The following AFP variants were observed in gnomAD, a reference collection of about 807,000 sequenced individuals.
The protein encoded by AFP is alpha-fetoprotein.
AFP carries 64 observed loss-of-function variants against 78.9 expected under a neutral mutation model. The observed-to-expected ratio is 0.81, with a 90% CI of 0.66 to 1.00. The LOEUF (loss-of-function observed/expected upper bound fraction) is 1.00. AFP is among the 50% of genes least tolerant of loss of function. AFP has a pLI of 0.00. For synonymous variants in AFP, 254 were observed against 243.8 expected (o/e 1.04, Z -0.39); for missense variants, 689 against 703.8 (o/e 0.98, Z 0.24).
At chr4:73,443,210 G>T in intron 5 of AFP, 137 bp from the exon 6 acceptor site, 1 of 735,842 alleles carries the variant, frequency 1.4e-6, no homozygotes, top group Non-Finnish European at 2.3e-6. Flanking sequence ...GATAATGTAT[G>T]ACATTTATAA....
At chr4:73,445,924 C>T (rs1719810527) in intron 7 of AFP, among the ~76,000 whole-genome samples, 1 of 152,156 alleles carries the variant, frequency 6.6e-6, no homozygotes. Flanking sequence ...TACTCTGTCT[C>T]TGTGGGCTCC....
intron 10 of AFP, 77 bp downstream of exon 10, chr4:73,450,210 G>T: frequency 8.3e-7 from 1 of 1,208,040 alleles, no homozygotes; most frequent in Non-Finnish European, 1.2e-6. Flanking sequence ...CTCCTCCTTT[G>T]GAAGCAACAA....
chr4:73,439,054 C>T lies in AFP; in HGVS notation c.270+748C>T, dbSNP rs185235219. Among the ~76,000 whole-genome samples the T allele has an allele frequency of 1.1e-4, 16 of 152,194 alleles. No individual in the cohort carries two copies. In the East Asian group the frequency reaches 2.5e-3, roughly 24 times the overall value. On this transcript the variant is annotated intron_variant, in intron 3 of 14. Coordinates refer to ENST00000395792, the MANE Select transcript of AFP (RefSeq NM_001134.3). ...AGTGAATGTAAGATGCATAGCACAT[C>T]GTTAGGGTTGCCAGGTTTAGCAAAC... is the stretch of plus-strand genomic sequence containing the variant.
At chr4:73,441,139 C>A (rs1404624117) in intron 4 of AFP, among the ~76,000 whole-genome samples, 2 of 151,818 alleles carry the variant, frequency 1.3e-5, no homozygotes, top group Non-Finnish European at 1.5e-5. Context: ...TAGTATTGCA[C>A]CAAATTGATG....
chr4:73,451,133 TTTGA>T (rs1463752833), intron 11 of AFP, among the ~76,000 whole-genome samples: 1 of 152,242 alleles, frequency 6.6e-6, no homozygotes, highest in African/African-American at 2.4e-5. Flanking sequence ...AAGCTTTATC[TTTGA>T]TTGATTAAAA....
chr4:73,455,197 C>G (rs377267349), intron 13 of AFP, 39 bp from the exon 14 acceptor site: 2 of 1,461,440 alleles, frequency 1.4e-6, no homozygotes, highest in Non-Finnish European at 1.9e-6. Flanking sequence ...GTATAATAAT[C>G]CATTTCTTTA....
chr4:73,449,030 A>G (rs1719910730), intron 8 of AFP, among the ~76,000 whole-genome samples: 1 of 152,112 alleles, frequency 6.6e-6, no homozygotes. Context: ...GCTTAAAGCA[A>G]TGCTAGCAAA....
intron 4 of AFP, among the ~76,000 whole-genome samples, chr4:73,441,933 C>G (rs949321202): frequency 6.6e-6 from 1 of 152,228 alleles, no homozygotes; most frequent in Non-Finnish European, 1.5e-5. Context: ...AAATGTCCAT[C>G]TTTCTGTTGC....
intron 1 of AFP, 99 bp from the exon 2 acceptor site, chr4:73,437,061 G>A (rs1041364503): frequency 2.2e-6 from 2 of 921,366 alleles, no homozygotes; most frequent in Non-Finnish European, 3.5e-6. Flanking sequence ...TTCTGAAACT[G>A]TACAGTTCTA....
intron 1 of AFP, among the ~76,000 whole-genome samples, 199 bp downstream of exon 1, chr4:73,436,546 T>A (rs985884934): frequency 2.0e-5 from 3 of 151,762 alleles, no homozygotes; most frequent in African/African-American, 7.2e-5. Context: ...CAGTGTTTAA[T>A]GGATGAATGG....
chr4:73,444,229 T>G (rs553036608), intron 6 of AFP, among the ~76,000 whole-genome samples: 1 of 152,248 alleles, frequency 6.6e-6, no homozygotes, highest in African/African-American at 2.4e-5. Context: ...CAATTAGAAA[T>G]TGAAAGATTA....
At position 73,443,409 on chromosome 4, in the gene AFP, A is replaced by C. The variant is rs1349726914; in HGVS notation, c.678A>C (p.Val226=). 2.5e-6 allele frequency: 4 copies of C among 1,613,700 alleles called. No individual in the cohort carries two copies. Among genetic ancestry groups the C allele is most frequent in the Non-Finnish European group, 3.4e-6 (4 of 1,179,644 alleles). ...TGTTAAATCAACATGCATGTGCAGTAATGAAAAATTTTGGGACCCGAACTT... is the reference window on the plus strand; with the variant it reads ...TGTTAAATCAACATGCATGTGCAGTCATGAAAAATTTTGGGACCCGAACTT... The part of the protein sequence containing the change: ...SSLLNQHACA[V]MKNFGTRTFQ... The change falls in exon 6 of 15, where the codon GTA becomes GTC. Residue 226 remains valine, a synonymous_variant. Transcript: ENST00000395792.
In AFP at chr4:73,455,932, C is replaced by G. The variant is rs941161340; in HGVS notation, c.*312C>G. The G allele has an allele frequency of 8.2e-6, 3 of 366,190 alleles. No homozygotes were observed. In the South Asian group the frequency reaches 1.5e-4, roughly 18 times the overall value. The allele number at this position is 366,190 out of a possible 1,614,324, so 22.7% of individuals were successfully genotyped here. A position where few individuals can be genotyped will look rare whatever the true frequency, so the allele number is the denominator to read the frequency against. On this transcript the variant is annotated 3_prime_UTR_variant, in exon 15 of 15. Coordinates refer to ENST00000395792, the MANE Select transcript of AFP (RefSeq NM_001134.3). The stretch of plus-strand genomic sequence containing the variant: ...AGGATGGATTTACAGCACTAGATCA[C>G]TTGGTGAACTGAAAAATGTTCCCAA...
intron 2 of AFP, among the ~76,000 whole-genome samples, chr4:73,437,658 TA>T (rs1264360582): frequency 2.0e-5 from 3 of 152,060 alleles, no homozygotes; most frequent in Non-Finnish European, 4.4e-5. Flanking sequence ...TTCCACATTT[TA>T]AAAATTTCTA....
At chr4:73,446,948 G>C (rs1299514247) in intron 7 of AFP, among the ~76,000 whole-genome samples, 1 of 152,154 alleles carries the variant, frequency 6.6e-6, no homozygotes, top group African/African-American at 2.4e-5. Flanking sequence ...CGGGAGACAA[G>C]TTAAAATTTC....
intron 7 of AFP, among the ~76,000 whole-genome samples, chr4:73,445,535 C>A (rs993463553): frequency 1.3e-5 from 2 of 152,160 alleles, no homozygotes; most frequent in East Asian, 3.9e-4. Flanking sequence ...TTTAAAAGCA[C>A]AGGCTGACCT....
intron 13 of AFP, 77 bp from the exon 14 acceptor site, chr4:73,455,159 G>C (rs1009522427): frequency 8.7e-7 from 1 of 1,152,598 alleles, no homozygotes; most frequent in African/African-American, 1.5e-5. Context: ...AATTCACCCC[G>C]GATTGTAGAG....
At chr4:73,443,315 C>G (rs747520557) in intron 5 of AFP, 32 bp from the exon 6 acceptor site, 1 of 1,499,360 alleles carries the variant, frequency 6.7e-7, no homozygotes, top group South Asian at 1.1e-5. Flanking sequence ...TTAGTATATG[C>G]TTTCATGACA....
In AFP at chr4:73,439,933, G is replaced by C. The variant is rs1719611767; in HGVS notation, c.271-669G>C. Among the ~76,000 whole-genome samples the C allele has an allele frequency of 4.2e-4, 3 of 7,074 alleles. No homozygotes were observed. In the Admixed American group the frequency reaches 7.7e-3, roughly 18 times the overall value. The allele number at this position is 7,074 out of a possible 152,430, so 4.6% of individuals were successfully genotyped here. A position where few individuals can be genotyped will look rare whatever the true frequency, so the allele number is the denominator to read the frequency against. On this transcript the variant is annotated intron_variant, in intron 3 of 14. Transcript: ENST00000395792. Reference sequence around the variant, plus strand: ...TGAAATGTGGTATGTCTGTGTGTGTGTGTGTATATGTATATATATGTATGT... The same window carrying C: ...TGAAATGTGGTATGTCTGTGTGTGTCTGTGTATATGTATATATATGTATGT...
Sources: allele counts gnomAD v4.1 joint callset (sites outside exome capture counted in the v4.1 genomes callset), GRCh38; gene constraint gnomAD v4.1.1; transcripts MANE v1.5; gene names NCBI Gene and HGNC (gene_info 2026-07-23, HGNC 2026-07-21).